The following DAB1 variants were observed in gnomAD, a reference collection of about 807,000 sequenced individuals.
DAB1 encodes the protein DAB adaptor protein 1.
Under a neutral mutation model 64.6 loss-of-function variants are expected in DAB1, and 15 were observed. The ratio of observed to expected loss-of-function variants is 0.23; its 90% CI spans 0.16 to 0.36. DAB1 has a LOEUF of 0.36. DAB1 is among the 10% of genes least tolerant of loss of function. DAB1 has a pLI of 1.00. For synonymous variants in DAB1, 235 were observed against 251.9 expected (o/e 0.93, Z 0.64); for missense variants, 596 against 706.7 (o/e 0.84, Z 1.78).
chr1:57,434,590 G>A (rs1010571754), intron 7 of DAB1, among the ~76,000 whole-genome samples: 3 of 152,162 alleles, frequency 2.0e-5, no homozygotes, highest in African/African-American at 7.2e-5. Flanking sequence ...ACCGTTTAAC[G>A]ACAGGGATAT....
At chr1:57,007,467 G>T (rs1646115177) in intron 14 of DAB1, among the ~76,000 whole-genome samples, 1 of 151,982 alleles carries the variant, frequency 6.6e-6, no homozygotes, top group South Asian at 2.1e-4. Context: ...TGCCCTTGTT[G>T]ACCCAGTCTT....
chr1:58,488,657 G>A (rs1645618913), intron 3 of DAB1, among the ~76,000 whole-genome samples: 1 of 152,092 alleles, frequency 6.6e-6, no homozygotes, highest in Admixed American at 6.5e-5. Flanking sequence ...TCTCCATGTT[G>A]GTCAGGCTGG....
intron 6 of DAB1, among the ~76,000 whole-genome samples, chr1:57,758,010 T>A (rs1648898943): frequency 6.6e-6 from 1 of 152,012 alleles, no homozygotes; most frequent in African/African-American, 2.4e-5. Context: ...AGAGATGGGG[T>A]CTTTCAGTGT....
intron 2 of DAB1, among the ~76,000 whole-genome samples, chr1:57,267,405 A>T (rs923895398): frequency 2.5e-4 from 38 of 152,230 alleles, no homozygotes; most frequent in African/African-American, 8.9e-4. Flanking sequence ...ACACGGAGAG[A>T]TATTTCAATC....
At chr1:57,145,513 C>G in intron 2 of DAB1, 84 bp from the exon 3 acceptor site, 1 of 1,409,544 alleles carries the variant, frequency 7.1e-7, no homozygotes, top group Non-Finnish European at 9.8e-7. Context: ...GATCCGCTGT[C>G]TGGTTTCATC....
At chr1:57,051,207 G>A (rs1649152232) in intron 9 of DAB1, among the ~76,000 whole-genome samples, 1 of 152,310 alleles carries the variant, frequency 6.6e-6, no homozygotes, top group South Asian at 2.1e-4. Context: ...GTGGGAATAT[G>A]CAGATTCAAA....
At chr1:57,071,685 G>A in intron 5 of DAB1, 44 bp from the exon 6 acceptor site, 1 of 1,574,874 alleles carries the variant, frequency 6.3e-7, no homozygotes. Flanking sequence ...GAATGGTACT[G>A]AGACGCAGCA....
chr1:57,931,512 G>C (rs2102037201), intron 5 of DAB1, among the ~76,000 whole-genome samples: 1 of 152,278 alleles, frequency 6.6e-6, no homozygotes, highest in South Asian at 2.1e-4. Context: ...GGTTATTGTT[G>C]ATTCAATTTC....
chr1:57,521,653 C>G (rs896066462), intron 7 of DAB1, among the ~76,000 whole-genome samples: 58 of 152,132 alleles, frequency 3.8e-4, no homozygotes, highest in African/African-American at 1.2e-3. Context: ...AAGTGACAGC[C>G]ATAGTATTTA....
intron 3 of DAB1, among the ~76,000 whole-genome samples, chr1:58,355,232 C>G (rs918504511): frequency 1.3e-5 from 2 of 152,152 alleles, no homozygotes; most frequent in African/African-American, 2.4e-5. Context: ...CTACCATGAG[C>G]CTTTTTCCAA....
intron 7 of DAB1, among the ~76,000 whole-genome samples, chr1:57,587,261 C>T (rs182183027): frequency 6.6e-6 from 1 of 152,308 alleles, no homozygotes; most frequent in East Asian, 1.9e-4. Flanking sequence ...AGAGTCAAGG[C>T]TAGCAACATC....
At chr1:57,146,561 G>C (rs951803128) in intron 2 of DAB1, among the ~76,000 whole-genome samples, 2 of 151,914 alleles carry the variant, frequency 1.3e-5, no homozygotes, top group African/African-American at 4.8e-5. Flanking sequence ...TTGTGGGGTT[G>C]AGAATTATCG....
At chr1:57,395,214 CG>C (rs1682709445) in intron 1 of DAB1, among the ~76,000 whole-genome samples, 1 of 151,960 alleles carries the variant, frequency 6.6e-6, no homozygotes, top group African/African-American at 2.4e-5. Context: ...TTAGTAGAGA[CG>C]GGGTTTCGCC....
In DAB1 at chr1:57,136,544, C is replaced by G. The variant is rs1454329445; in HGVS notation, c.305G>C (p.Gly102Ala). The change falls in exon 4 of 15, where the codon GGG (glycine) becomes GCG (alanine). Residue 102 changes from glycine to alanine, a missense_variant and splice_region_variant. Physicochemically the swap from Gly to Ala is moderately conservative, Grantham distance 60. Around this residue, in one of 3 missense-constraint regions of DAB1, gnomAD observed 176 missense variants for 266.7 expected, o/e 0.66. Transcript: ENST00000371236. ...GGIKIFDEKT[G>A]ALQHHHAVHE... ...ATGCCATGTGATTGCTTTACTTACC[C>G]CTGTCTTCTCATCAAAGATTTTGAT... 3 of 1,484,196 alleles carry G rather than the reference C, an allele frequency of 2.0e-6. No individual in the cohort carries two copies. The South Asian group carries it at 4.1e-5, about 20-fold the overall frequency. 91.9% of individuals were successfully genotyped at this position (1,484,196 alleles called of 1,614,324 possible).
At chr1:58,369,888 A>G (rs1430640416) in intron 3 of DAB1, among the ~76,000 whole-genome samples, 1 of 152,246 alleles carries the variant, frequency 6.6e-6, no homozygotes, top group African/African-American at 2.4e-5. Context: ...AATAGGCAAT[A>G]GAGTTAAAAT....
chr1:57,394,420 C>T (rs945385876), intron 1 of DAB1, among the ~76,000 whole-genome samples: 2 of 152,198 alleles, frequency 1.3e-5, no homozygotes, highest in African/African-American at 4.8e-5. Flanking sequence ...TTTACTGAAC[C>T]TCAAACCTTG....
At position 56,996,469 on chromosome 1, in the gene DAB1, C is replaced by A. The variant is rs570562941; in HGVS notation, c.*1675G>T. ...TGCTAAACATACGAACCAAACACTGCACTTTTTGTCTCATAAGTGTAAAAA... is the reference window on the plus strand; with the variant it reads ...TGCTAAACATACGAACCAAACACTGAACTTTTTGTCTCATAAGTGTAAAAA... On this transcript the variant is annotated 3_prime_UTR_variant, in exon 15 of 15. Coordinates refer to ENST00000371236, the MANE Select transcript of DAB1 (RefSeq NM_001365792.1). 2.6e-5 allele frequency: 4 copies of A among 152,304 alleles called. No homozygotes were observed. Among genetic ancestry groups the A allele is most frequent in the South Asian group, 2.1e-4 (1 of 4,826 alleles). 9.4% of individuals were successfully genotyped at this position (152,304 alleles called of 1,614,324 possible).
intron 7 of DAB1, among the ~76,000 whole-genome samples, chr1:57,519,247 G>A (rs1375082791): frequency 6.6e-6 from 1 of 152,146 alleles, no homozygotes; most frequent in Non-Finnish European, 1.5e-5. Flanking sequence ...TTTTACAGAA[G>A]AGGAAGCTGA....
intron 1 of DAB1, among the ~76,000 whole-genome samples, chr1:57,850,473 G>A (rs1463156067): frequency 6.7e-6 from 1 of 149,318 alleles, no homozygotes; most frequent in Non-Finnish European, 1.5e-5. Context: ...TTTTTTAACT[G>A]AGAAAATGAA....
Sources: gnomAD v4.1 joint callset for allele counts (sites outside exome capture counted in the v4.1 genomes callset) on GRCh38, gnomAD v4.1.1 for gene constraint, gnomAD v4.1.1 regional missense constraint, MANE v1.5 for transcripts, NCBI Gene and HGNC (gene_info 2026-07-23, HGNC 2026-07-21) for gene names.